Variants in EFS observed in about 807,000 individuals in gnomAD.
EFS encodes the protein Cas scaffolding protein family member 3.
In EFS, 34 loss-of-function variants were observed where a neutral mutation model predicts 42.2. The observed-to-expected ratio is 0.81, with a 90% CI of 0.61 to 1.07. The LOEUF is 1.07. Ranked by LOEUF, EFS falls within the 50% of genes least tolerant of loss-of-function variation. The pLI is 0.00. For synonymous variants in EFS, 299 were observed against 320.7 expected, an observed-to-expected ratio of 0.93 and a Z score of 0.72; for missense variants, 717 against 729.4, an observed-to-expected ratio of 0.98 and a Z score of 0.20.
chr14:23,358,841 G>C, intron 5 of EFS, 35 bp downstream of exon 5: 1 of 1,567,072 alleles, frequency 6.4e-7, no homozygotes, highest in Non-Finnish European at 8.7e-7. Flanking sequence ...TCCCTCCCCT[G>C]TCCCCTTCTC....
rs2231801 is a variant in EFS, at chr14:23,360,281, C to T, written c.298G>A (p.Val100Met). The T allele has an allele frequency of 0.016, 25,362 of 1,607,374 alleles. 249 individuals carry two copies. The highest frequency in any genetic ancestry group is 0.019 in the Non-Finnish European group (22,888 of 1,176,990). Reference protein sequence around the residue: ...APDHSNEDQEVYVVPPPARPC... With the variant: ...APDHSNEDQEMYVVPPPARPC... ...CGAGCTGGGGGCGGCACCACATACACCTGAGGGATCAAATAGATGGGGGGT... is the reference window on the plus strand; with the variant it reads ...CGAGCTGGGGGCGGCACCACATACATCTGAGGGATCAAATAGATGGGGGGT... The change falls in exon 3 of 6, where the codon GTG (valine) becomes ATG (methionine). Residue 100 changes from valine to methionine, a missense_variant and splice_region_variant. Coordinates refer to ENST00000216733, the MANE Select transcript of EFS (RefSeq NM_005864.4).
intron 5 of EFS, among the ~76,000 whole-genome samples, chr14:23,358,517 C>A (rs1890002829): frequency 6.6e-6 from 1 of 152,172 alleles, no homozygotes; most frequent in South Asian, 2.1e-4. Context: ...AGTAGTGAAG[C>A]TGGGATTAGA....
intron 5 of EFS, among the ~76,000 whole-genome samples, chr14:23,358,002 A>T (rs1318776070): frequency 2.6e-5 from 3 of 113,932 alleles, no homozygotes; most frequent in Admixed American, 9.1e-5. Flanking sequence ...AAAAGTGGTT[A>T]AAAAAAAAAC....
At chr14:23,364,987 T>A in intron 1 of EFS, 21 bp downstream of exon 1, 1 of 1,309,628 alleles carries the variant, frequency 7.6e-7, no homozygotes, top group Non-Finnish European at 9.8e-7. Context: ...CCCGGCAGCC[T>A]CCACTCCCTG....
At position 23,359,372 on chromosome 14, in the gene EFS, T is replaced by C. The variant is rs1186861284; in HGVS notation, c.1106A>G (p.His369Arg). ...REMEDDPAGH[H>R]NEYEGIPMAE... ...CATCGGAATGCCCTCGTACTCATTG[T>C]GGTGTCCTGCTGGGTCATCCTCCAT... Residue 369 changes from histidine (H) to arginine (R), a missense_variant, in exon 4 of 6, where the codon CAC becomes CGC. His to Arg is a conservative substitution (Grantham distance 29, BLOSUM62 0). Coordinates refer to ENST00000216733, the MANE Select transcript of EFS (RefSeq NM_005864.4). 1.2e-6 allele frequency: 2 copies of C among 1,612,778 alleles called. No individual in the cohort carries two copies. The highest frequency in any genetic ancestry group is 1.7e-6 in the Non-Finnish European group (2 of 1,179,884).
rs753438214 is a variant in EFS, at chr14:23,357,247, C to A, written c.1665G>T (p.Leu555=). The stretch of plus-strand genomic sequence containing the variant: ...ACCTTCATGGAGCCAGGCTAGTGAG[C>A]AGGGTAGTGAATTGCAGGGCCTGCC... ...LAGQALQFTT[L]LTSLAP is the part of the protein sequence containing the mutation. Residue 555 remains leucine, a synonymous_variant, in exon 6 of 6, where the codon CTG becomes CTT. Coordinates refer to ENST00000216733, the MANE Select transcript of EFS (RefSeq NM_005864.4). The A allele has an allele frequency of 2.6e-6, 4 of 1,560,948 alleles. No individual in the cohort carries two copies. The South Asian group carries it at 3.6e-5, about 14-fold the overall frequency.
intron 5 of EFS, 21 bp downstream of exon 5, chr14:23,358,855 C>T: frequency 6.3e-7 from 1 of 1,598,022 alleles, no homozygotes; most frequent in Non-Finnish European, 8.5e-7. Flanking sequence ...CCTTCTCTAG[C>T]ACCATTCCCG....
chr14:23,361,745 C>T (rs747651210), intron 1 of EFS, among the ~76,000 whole-genome samples: 4 of 152,214 alleles, frequency 2.6e-5, no homozygotes, highest in Non-Finnish European at 4.4e-5. Flanking sequence ...TAATAACTCA[C>T]AGGTACCAAG....
chr14:23,363,173 A>T (rs1466011420), intron 1 of EFS, among the ~76,000 whole-genome samples: 1 of 151,822 alleles, frequency 6.6e-6, no homozygotes, highest in African/African-American at 2.4e-5. Context: ...TCTGCCTCCC[A>T]AAGTGCTGGG....
chr14:23,360,780 C>A lies in EFS; in HGVS notation c.72G>T (p.Leu24=). The A allele has an allele frequency of 6.2e-7, 1 of 1,613,940 alleles. No individual in the cohort carries two copies. The highest frequency in any genetic ancestry group is 8.5e-7 in the Non-Finnish European group (1 of 1,179,944). Residue 24 remains leucine (L), a synonymous_variant, in exon 2 of 6, where the codon CTG becomes CTT. Transcript: ENST00000216733. ...GTAGGACATCCCCTCGGCGGAAGGA[C>A]AGCTCCTGGGGGGACTCAGCGGTGT... is the stretch of plus-strand genomic sequence containing the variant. ...YDNTAESPQE[L]SFRRGDVLRV...
At chr14:23,360,411 G>A in intron 2 of EFS, 130 bp from the exon 3 acceptor site, 1 of 1,495,440 alleles carries the variant, frequency 6.7e-7, no homozygotes, top group Non-Finnish European at 8.9e-7. Flanking sequence ...AGAAAGGTTG[G>A]TAGACAGGTT....
chr14:23,357,893 G>A (rs938187888), intron 5 of EFS, among the ~76,000 whole-genome samples: 12 of 152,006 alleles, frequency 7.9e-5, no homozygotes, highest in African/African-American at 2.9e-4. Flanking sequence ...TTTGAACTTG[G>A]TTTCCTTAAC....
In EFS at chr14:23,364,977, C is replaced by T. The variant is rs1358393641; in HGVS notation, c.18+31G>A. The T allele has an allele frequency of 1.1e-5, 14 of 1,296,382 alleles. No individual in the cohort carries two copies. The South Asian group carries it at 2.7e-4, about 25-fold the overall frequency. The allele number at this position is 1,296,382 out of a possible 1,614,324, so 80.3% of individuals were successfully genotyped here. A position where few individuals can be genotyped will look rare whatever the true frequency, so the allele number is the denominator to read the frequency against. Reference sequence around the variant, plus strand: ...GCAGGGCAGGCCGTGGAGGTCTCTCCCCGGCAGCCTCCACTCCCTGGTGGA... The same window carrying T: ...GCAGGGCAGGCCGTGGAGGTCTCTCTCCGGCAGCCTCCACTCCCTGGTGGA... On this transcript the variant is annotated intron_variant, in intron 1 of 5. Transcript: ENST00000216733.
Position 23,359,362 on chromosome 14 carries a change from G to T in EFS, c.1116C>A (p.Tyr372Ter). The T allele has an allele frequency of 2.5e-6, 4 of 1,612,946 alleles. No homozygotes were observed. The highest frequency in any genetic ancestry group is 3.4e-6 in the Non-Finnish European group (4 of 1,179,914). ...EDDPAGHHNE[Y>*]EGIPMAEEYD... is the part of the protein sequence containing the mutation. ...ACTCCTCGGCCATCGGAATGCCCTC[G>T]TACTCATTGTGGTGTCCTGCTGGGT... The change falls in exon 4 of 6, where the codon TAC (tyrosine) becomes TAA (stop). Residue 372 changes from tyrosine to a stop codon, truncating the protein, a stop_gained. Transcript: ENST00000216733. LOFTEE classifies it high-confidence loss of function.
At position 23,363,151 on chromosome 14, in the gene EFS, G is replaced by A. The variant is rs572813153; in HGVS notation, c.18+1857C>T. ...GATGGTTTTGATCTCCTGACCTCAT[G>A]ATCCGCCCGCCTCTGCCTCCCAAAG... On this transcript the variant is annotated intron_variant, in intron 1 of 5. Coordinates refer to ENST00000216733, the MANE Select transcript of EFS (RefSeq NM_005864.4). 9.9e-5 allele frequency among the ~76,000 whole-genome samples: 15 copies of A among 151,956 alleles called. No homozygotes were observed. In the South Asian group the frequency reaches 1.2e-3, roughly 13 times the overall value.
At position 23,360,904 on chromosome 14, in the gene EFS, A is replaced by G; in HGVS notation, c.19-71T>C. 2.1e-6 allele frequency: 3 copies of G among 1,445,156 alleles called. No individual in the cohort carries two copies. In the South Asian group the frequency reaches 4.2e-5, roughly 20 times the overall value. 89.5% of individuals were successfully genotyped at this position (1,445,156 alleles called of 1,614,324 possible). A position where few individuals can be genotyped will look rare whatever the true frequency, so the allele number is the denominator to read the frequency against. ...TCAGGTCACGTCACCCCTGCTTAGA[A>G]CCCTTCGGAGCTCCGCATTTCCCTC... On this transcript the variant is annotated intron_variant, in intron 1 of 5. Coordinates refer to ENST00000216733, the MANE Select transcript of EFS (RefSeq NM_005864.4).
chr14:23,361,179 C>T (rs536356955), intron 1 of EFS, among the ~76,000 whole-genome samples: 1 of 152,318 alleles, frequency 6.6e-6, no homozygotes, highest in African/African-American at 2.4e-5. Context: ...ATACTGTAAA[C>T]CCTATGAACA....
At chr14:23,364,727 G>T (rs554220385) in intron 1 of EFS, among the ~76,000 whole-genome samples, 1 of 151,950 alleles carries the variant, frequency 6.6e-6, no homozygotes, top group African/African-American at 2.4e-5. Context: ...ATAGGACTCG[G>T]GCTACGCTTG....
chr14:23,364,808 G>C (rs546384888), intron 1 of EFS, among the ~76,000 whole-genome samples, 200 bp downstream of exon 1: 4 of 152,146 alleles, frequency 2.6e-5, no homozygotes, highest in African/African-American at 9.6e-5. Context: ...GGGAAGAGGG[G>C]CGAGCCCGGA....
Sources: allele counts gnomAD v4.1 joint callset (sites outside exome capture counted in the v4.1 genomes callset), GRCh38; gene constraint gnomAD v4.1.1; transcripts MANE v1.5; gene names NCBI Gene and HGNC (gene_info 2026-07-23, HGNC 2026-07-21).